PLAGL1: variants seen among roughly 807,000 people sequenced by gnomAD.
PLAGL1 encodes PLAG1 like zinc finger 1, also known as zinc finger protein PLAGL1.
PLAGL1 carries 1 observed loss-of-function variant against 4.6 expected under a neutral mutation model. The observed-to-expected ratio is 0.22, with a 90% confidence interval of 0.08 to 1.03. The LOEUF (loss-of-function observed/expected upper bound fraction) is 1.03. Among genes scored for constraint, PLAGL1 ranks in the 50% least tolerant of loss-of-function variants. The pLI, the probability that PLAGL1 is intolerant of heterozygous loss-of-function variation, is 0.58. For missense variants in PLAGL1, 464 were observed against 570.4 expected (o/e 0.81, Z 1.90); for synonymous variants, 240 against 237.8 (o/e 1.01, Z -0.08).
chr6:143,998,258 G>C (rs1792106357), intron 1 of PLAGL1, among the ~76,000 whole-genome samples: 1 of 152,134 alleles, frequency 6.6e-6, no homozygotes, highest in African/African-American at 2.4e-5. Context: ...GGCAATGAAA[G>C]CAAAGCTTTC....
chr6:143,977,203 A>T lies in PLAGL1; in HGVS notation c.-544+7932T>A, dbSNP rs1403504566. ...TTATCACCCAGAATCCATGGTTTAG[A>T]GTTCACTCTTGGTGTTGTACATTCT... On this transcript the variant is annotated intron_variant, in intron 2 of 7. Transcript: ENST00000674357. Among the ~76,000 whole-genome samples, 12 of 151,572 alleles carry T rather than the reference A, an allele frequency of 7.9e-5. No individual in the cohort carries two copies. The Admixed American group carries it at 7.9e-4, about 10-fold the overall frequency.
chr6:144,049,568 G>A (rs763799757), intron 1 of PLAGL1, among the ~76,000 whole-genome samples: 2 of 152,222 alleles, frequency 1.3e-5, no homozygotes, highest in Admixed American at 6.5e-5. Flanking sequence ...CAGGGGAAGA[G>A]TGAGGAGTGA....
chr6:143,957,003 G>T lies in PLAGL1; in HGVS notation c.-325+3466C>A, dbSNP rs933537925. On this transcript the variant is annotated intron_variant, in intron 6 of 7. Coordinates refer to ENST00000674357, the MANE Select transcript of PLAGL1 (RefSeq NM_001317162.2). This position sits in a 1 kb window ranked among gnomAD's most constrained non-coding sequence, Gnocchi z 4.2. ...GGGACAGCCAGGATCCCCACGAAAG[G>T]GCCAAAGGCCTTCTTCCAGATGGGT... 3.9e-5 allele frequency among the ~76,000 whole-genome samples: 6 copies of T among 152,320 alleles called. No homozygotes were observed. Among genetic ancestry groups the T allele is most frequent in the Non-Finnish European group, 5.9e-5 (4 of 68,040 alleles).
At chr6:144,028,119 GTTAA>G (rs1796509233) in intron 1 of PLAGL1, among the ~76,000 whole-genome samples, 1 of 152,072 alleles carries the variant, frequency 6.6e-6, no homozygotes, top group African/African-American at 2.4e-5. Flanking sequence ...CCTTTGTGAG[GTTAA>G]TTATTTAACT....
intron 1 of PLAGL1, among the ~76,000 whole-genome samples, chr6:143,987,316 C>T (rs1263966020): frequency 6.6e-6 from 1 of 151,932 alleles, no homozygotes; most frequent in Non-Finnish European, 1.5e-5. Flanking sequence ...TTGATCCTCC[C>T]ACCTCAGCCT....
At position 143,971,736 on chromosome 6, in the gene PLAGL1, G is replaced by A. The variant is rs1056135000; in HGVS notation, c.-543-2758C>T. 1.3e-5 allele frequency among the ~76,000 whole-genome samples: 2 copies of A among 152,166 alleles called. No homozygotes were observed. The highest frequency in any genetic ancestry group is 6.5e-5 in the Admixed American group (1 of 15,274). On this transcript the variant is annotated intron_variant, in intron 2 of 7. Coordinates refer to ENST00000674357, the MANE Select transcript of PLAGL1 (RefSeq NM_001317162.2). This position sits in a 1 kb window ranked among gnomAD's most constrained non-coding sequence, Gnocchi z 4.7. ...TCTGGTTAAAGAAATTGTCAAGGGA[G>A]GTTTTGACTTTTGCTATTATTTAAC...
rs891580474 is a variant in PLAGL1 at position 143,948,255 on chromosome 6, C to A, written c.-119G>T. On this transcript the variant is annotated 5_prime_UTR_variant, in exon 7 of 8. Transcript: ENST00000674357. The surrounding 1 kb of genome is among the most constrained non-coding windows in gnomAD (Gnocchi z 6.0). ...AGAGTCCCTGCAGCTGAACTCCAGA[C>A]CACGGGAGAGGCAGCATCGTGGGCC... The A allele has an allele frequency of 8.1e-6, 7 of 867,206 alleles. No individual in the cohort carries two copies. The highest frequency in any genetic ancestry group is 1.7e-5 in the African/African-American group (1 of 59,954). The allele number at this position is 867,206 out of a possible 1,614,324, so 53.7% of individuals were successfully genotyped here.
rs1432694131 is a variant in PLAGL1, at chr6:143,960,118, G to A, written c.-325+351C>T. ...TACACATCTTATGTACACAAGTTAG[G>A]AGTGTTGGCAGGGGCAGCTTTCTTC... On this transcript the variant is annotated intron_variant, in intron 6 of 7. Transcript: ENST00000674357. The surrounding 1 kb of genome is among the most constrained non-coding windows in gnomAD (Gnocchi z 5.7). 6.6e-6 allele frequency among the ~76,000 whole-genome samples: 1 copy of A among 152,212 alleles called. No homozygotes were observed. Among genetic ancestry groups the A allele is most frequent in the African/African-American group, 2.4e-5 (1 of 41,450 alleles).
At position 143,985,861 on chromosome 6, in the gene PLAGL1, G is replaced by A. The variant is rs1451101400; in HGVS notation, c.-583-687C>T. On this transcript the variant is annotated intron_variant, in intron 1 of 7. Coordinates refer to ENST00000674357, the MANE Select transcript of PLAGL1 (RefSeq NM_001317162.2). This position sits in a 1 kb window ranked among gnomAD's most constrained non-coding sequence, Gnocchi z 4.4. The stretch of plus-strand genomic sequence containing the variant: ...TATTACTAACAAGAAACCTCTGAGT[G>A]CTTACCATCGGCCAAGCTACATATT... 1.3e-5 allele frequency among the ~76,000 whole-genome samples: 2 copies of A among 149,888 alleles called. No homozygotes were observed. Among genetic ancestry groups the A allele is most frequent in the Non-Finnish European group, 3.0e-5 (2 of 67,594 alleles).
At position 144,036,744 on chromosome 6, in the gene PLAGL1, C is replaced by T; in HGVS notation, c.-151+27724G>A. ...GTGAAACTACAGAACAGAAATTGTG[C>T]AACTTCCAGAAAACTGCTCTAAGAC... On this transcript the variant is annotated intron_variant, in intron 1 of 3. Coordinates refer to the PLAGL1 transcript ENST00000437412. This position sits in a 1 kb window ranked among gnomAD's most constrained non-coding sequence, Gnocchi z 5.1. 3.1e-6 allele frequency: 1 copy of T among 325,138 alleles called. No individual in the cohort carries two copies. 20.1% of individuals were successfully genotyped at this position (325,138 alleles called of 1,614,324 possible). A position where few individuals can be genotyped will look rare whatever the true frequency, so the allele number is the denominator to read the frequency against.
In PLAGL1 at chr6:143,952,357, C is replaced by T. The variant is rs922659962; in HGVS notation, c.-324-3897G>A. Among the ~76,000 whole-genome samples, 3 of 152,164 alleles carry T rather than the reference C, an allele frequency of 2.0e-5. No homozygotes were observed. Among genetic ancestry groups the T allele is most frequent in the Admixed American group, 6.5e-5 (1 of 15,280 alleles). On this transcript the variant is annotated intron_variant, in intron 6 of 7. Transcript: ENST00000674357. This position sits in a 1 kb window ranked among gnomAD's most constrained non-coding sequence, Gnocchi z 6.1. ...GTTCTGTGACTTGACATAGAAATTG[C>T]ATTTGAGTCTTAAATACGGTGCTAT...
At chr6:143,977,609 A>C (rs1264999785) in intron 2 of PLAGL1, among the ~76,000 whole-genome samples, 1 of 151,300 alleles carries the variant, frequency 6.6e-6, no homozygotes, top group African/African-American at 2.4e-5. Flanking sequence ...AGTAGCTGGG[A>C]CTACAGGTAT....
In PLAGL1 at chr6:143,941,620, C is replaced by T. The variant is rs1778599609; in HGVS notation, c.1196G>A (p.Gly399Glu). 6.2e-7 allele frequency: 1 copy of T among 1,614,082 alleles called. No homozygotes were observed. The stretch of plus-strand genomic sequence containing the variant: ...AGGCCCCAGGGCAAGAGTGCTATTC[C>T]CAAAGGTATTTTGGGTAGCAGGAGG... ...LPPPATQNTFGNSTLALGPGE... is the reference protein window; with the variant it reads ...LPPPATQNTFENSTLALGPGE... Residue 399 changes from glycine (G) to glutamate (E), a missense_variant, in exon 8 of 8, where the codon GGG becomes GAG. Around this residue, in one of 4 missense-constraint regions of PLAGL1, gnomAD observed 248 missense variants for 250.1 expected, o/e 0.99. Coordinates refer to ENST00000674357, the MANE Select transcript of PLAGL1 (RefSeq NM_001317162.2). This position sits in a 1 kb window ranked among gnomAD's most constrained non-coding sequence, Gnocchi z 6.0.
intron 1 of PLAGL1, among the ~76,000 whole-genome samples, chr6:143,991,072 T>TTAGA (rs1204852625): frequency 2.6e-5 from 4 of 152,312 alleles, no homozygotes; most frequent in Non-Finnish European, 5.9e-5. Flanking sequence ...GTTGTTTCCA[T>TTAGA]TAGATGATGG....
rs761735778 is a variant in PLAGL1, at chr6:144,027,230, C to CGAAAGAAAGAAAGAAA, written c.-151+37237_-151+37238insTTTCTTTCTTTCTTTC. ...CAGAGAAAGACCCCAACTCAAAGAA[C>CGAAAGAAAGAAAGAAA]GAACGAAAGAAAGAAAGAAAGAAAG... On this transcript the variant is annotated intron_variant, in intron 1 of 3. Transcript: ENST00000437412. The surrounding 1 kb of genome is among the most constrained non-coding windows in gnomAD (Gnocchi z 5.8). Among the ~76,000 whole-genome samples, 1,210 of 98,800 alleles carry CGAAAGAAAGAAAGAAA rather than the reference C, an allele frequency of 0.012. 19 individuals carry two copies. Among genetic ancestry groups the CGAAAGAAAGAAAGAAA allele is most frequent in the African/African-American group, 0.028 (672 of 24,000 alleles). The allele number at this position is 98,800 out of a possible 152,430, so 64.8% of individuals were successfully genotyped here. A position where few individuals can be genotyped will look rare whatever the true frequency, so the allele number is the denominator to read the frequency against.
At position 144,039,890 on chromosome 6, in the gene PLAGL1, G is replaced by A. The variant is rs2128715780; in HGVS notation, c.-151+24578C>T. Among the ~76,000 whole-genome samples, 1 of 152,238 alleles carries A rather than the reference G, an allele frequency of 6.6e-6. No individual in the cohort carries two copies. Among genetic ancestry groups the A allele is most frequent in the East Asian group, 1.9e-4 (1 of 5,184 alleles). ...CTATCAACAAGAAAATTAATACATT[G>A]TGGCACATAATGGCATCCTTATGCC... On this transcript the variant is annotated intron_variant, in intron 1 of 3. Coordinates refer to the PLAGL1 transcript ENST00000437412. The surrounding 1 kb of genome is among the most constrained non-coding windows in gnomAD (Gnocchi z 4.1).
chr6:144,031,589 C>A (rs1211988034), intron 1 of PLAGL1, among the ~76,000 whole-genome samples: 1 of 152,200 alleles, frequency 6.6e-6, no homozygotes, highest in Non-Finnish European at 1.5e-5. Flanking sequence ...TATCCCAGCA[C>A]CATTTGTTGA....
At position 143,956,365 on chromosome 6, in the gene PLAGL1, CA is replaced by C. The variant is rs201548766; in HGVS notation, c.-325+4103del. ...TGGGGGCATGGAATTCTCAGAGCTC[CA>C]AAGACAGAAGCAGCCTTCTGCCTCA... On this transcript the variant is annotated intron_variant, in intron 6 of 7. Transcript: ENST00000674357. Among the ~76,000 whole-genome samples the C allele has an allele frequency of 1.3e-4, 20 of 152,286 alleles. No individual in the cohort carries two copies. The East Asian group carries it at 2.3e-3, about 18-fold the overall frequency.
Position 143,941,352 on chromosome 6 carries a change from A to C in PLAGL1, c.*72T>G. On this transcript the variant is annotated 3_prime_UTR_variant, in exon 8 of 8. Transcript: ENST00000674357. The surrounding 1 kb of genome is among the most constrained non-coding windows in gnomAD (Gnocchi z 6.0). ...CAGTCTCGTTTTCCAAATCTTTCTC[A>C]TATTGTAACTGACATTTAAAATGCT... The C allele has an allele frequency of 2.5e-6, 3 of 1,205,436 alleles. No homozygotes were observed. Among genetic ancestry groups the C allele is most frequent in the South Asian group, 1.7e-5 (1 of 57,698 alleles). The allele number at this position is 1,205,436 out of a possible 1,614,324, so 74.7% of individuals were successfully genotyped here.
Sources: allele counts gnomAD v4.1 joint callset (sites outside exome capture counted in the v4.1 genomes callset), GRCh38; gene constraint gnomAD v4.1.1; regional missense constraint gnomAD v4.1.1; non-coding constraint Gnocchi (gnomAD v3.1); transcripts MANE v1.5; gene names NCBI Gene and HGNC (gene_info 2026-07-23, HGNC 2026-07-21).